MAPK10: variants seen among roughly 807,000 people sequenced by gnomAD.
MAPK10 encodes mitogen-activated protein kinase 10.
MAPK10 carries 25 observed loss-of-function variants against 59.3 expected under a neutral mutation model. That is an observed-to-expected ratio of 0.42 (90% confidence interval 0.31 to 0.59). MAPK10 has a LOEUF of 0.59. Ranked by LOEUF, MAPK10 falls within the 20% of genes least tolerant of loss-of-function variation. The pLI, the probability that MAPK10 is intolerant of heterozygous loss-of-function variation, is 0.15. For synonymous variants in MAPK10, 190 were observed against 200.5 expected (o/e 0.95, Z 0.44); for missense variants, 351 against 568.9 (o/e 0.62, Z 3.90).
intron 2 of MAPK10, among the ~76,000 whole-genome samples, chr4:86,262,753 C>G (rs1319462157): frequency 1.3e-5 from 2 of 152,194 alleles, no homozygotes; most frequent in East Asian, 3.9e-4. Flanking sequence ...TCCAGCTATT[C>G]AGTTGCCCCA....
chr4:86,416,855 C>T (rs1238676714), intron 1 of MAPK10, among the ~76,000 whole-genome samples: 1 of 152,194 alleles, frequency 6.6e-6, no homozygotes, highest in Non-Finnish European at 1.5e-5. Flanking sequence ...ACATGGAACA[C>T]TGGGACCATG....
chr4:86,286,988 T>C (rs572348759), intron 2 of MAPK10, among the ~76,000 whole-genome samples: 1 of 152,242 alleles, frequency 6.6e-6, no homozygotes, highest in East Asian at 1.9e-4. Flanking sequence ...ATATCAGATC[T>C]CTCTGCCTTA....
intron 1 of MAPK10, among the ~76,000 whole-genome samples, chr4:86,563,948 C>CAT (rs1353483406): frequency 6.6e-6 from 1 of 152,204 alleles, no homozygotes; most frequent in East Asian, 1.9e-4. Context: ...TCTCCTGCCT[C>CAT]AGCCTCCCAA....
At chr4:86,151,781 A>G (rs905280228) in intron 4 of MAPK10, among the ~76,000 whole-genome samples, 1 of 152,158 alleles carries the variant, frequency 6.6e-6, no homozygotes, top group Admixed American at 6.5e-5. Flanking sequence ...CATGACAACA[A>G]TTTGGCTTAT....
chr4:86,546,051 G>A (rs941838217), intron 1 of MAPK10, among the ~76,000 whole-genome samples: 1 of 151,746 alleles, frequency 6.6e-6, no homozygotes, highest in Non-Finnish European at 1.5e-5. Context: ...AGGAGTTCAA[G>A]ACCAGCCTGG....
intron 13 of MAPK10, among the ~76,000 whole-genome samples, chr4:86,019,765 T>A (rs1194380165): frequency 6.6e-6 from 1 of 152,216 alleles, no homozygotes; most frequent in African/African-American, 2.4e-5. Flanking sequence ...GACTCTATTA[T>A]AAAGGCCTGA....
chr4:86,075,992 C>CCTCGTTG (rs1363994903), intron 9 of MAPK10, among the ~76,000 whole-genome samples: 7 of 147,906 alleles, frequency 4.7e-5, no homozygotes, highest in Non-Finnish European at 6.1e-5. Flanking sequence ...CCTCCCCCAG[C>CCTCGTTG]CCTCCTGGGG....
intron 2 of MAPK10, among the ~76,000 whole-genome samples, chr4:86,354,102 T>TTG (rs761588734): frequency 5.1e-4 from 76 of 148,190 alleles, no homozygotes; most frequent in African/African-American, 1.4e-3. Flanking sequence ...AAGAGCTAAA[T>TTG]TGTGTGTGTG....
At chr4:86,576,766 C>T (rs1374763901) in intron 1 of MAPK10, among the ~76,000 whole-genome samples, 5 of 81,232 alleles carry the variant, frequency 6.2e-5, no homozygotes, top group Non-Finnish European at 1.3e-4. Context: ...CAGTGCGAGA[C>T]TCCGTCCCAA....
At chr4:86,512,755 A>G (rs1361741473) in intron 1 of MAPK10, among the ~76,000 whole-genome samples, 1 of 152,152 alleles carries the variant, frequency 6.6e-6, no homozygotes, top group East Asian at 1.9e-4. Flanking sequence ...GAAGCCCTGA[A>G]AACTAAAACT....
intron 2 of MAPK10, among the ~76,000 whole-genome samples, chr4:86,271,311 A>G (rs991117519): frequency 1.3e-5 from 2 of 151,986 alleles, no homozygotes; most frequent in Non-Finnish European, 2.9e-5. Context: ...CCATTTCTAT[A>G]TCTTCCTTTG....
chr4:86,250,461 C>G (rs1199971651), intron 2 of MAPK10, among the ~76,000 whole-genome samples: 1 of 152,038 alleles, frequency 6.6e-6, no homozygotes, highest in Non-Finnish European at 1.5e-5. Flanking sequence ...ACTCTTATTC[C>G]CGCTGAACTA....
chr4:86,214,655 T>C (rs1182427415), intron 2 of MAPK10, among the ~76,000 whole-genome samples: 1 of 151,832 alleles, frequency 6.6e-6, no homozygotes, highest in Non-Finnish European at 1.5e-5. Flanking sequence ...TGAAAACATT[T>C]CAAATTACAA....
chr4:86,360,085 T>C, upstream of MAPK10: 2 of 985,630 alleles, frequency 2.0e-6, no homozygotes, highest in South Asian at 4.7e-5. Context: ...ACAGAGGGCT[T>C]GGGGAATGGG....
chr4:86,213,387 CA>C lies in MAPK10; in HGVS notation c.-6-18981del, dbSNP rs565659528. ...ACCAACAAAATAGAGAATAGAAAAG[CA>C]AAAAAGAAAATTGTTGAAATCGAAA... On this transcript the variant is annotated intron_variant, in intron 2 of 13. Coordinates refer to ENST00000641462, the MANE Select transcript of MAPK10 (RefSeq NM_138982.4). 7.9e-5 allele frequency among the ~76,000 whole-genome samples: 12 copies of C among 151,554 alleles called. No individual in the cohort carries two copies. In the South Asian group the frequency reaches 2.5e-3, roughly 32 times the overall value.
chr4:86,361,500 T>C (rs759993751), upstream of MAPK10, among the ~76,000 whole-genome samples: 1 of 152,152 alleles, frequency 6.6e-6, no homozygotes, highest in African/African-American at 2.4e-5. Flanking sequence ...AGTTTGGACA[T>C]CAAAAGTCAG....
chr4:86,038,806 G>A (rs1030319384), intron 11 of MAPK10, among the ~76,000 whole-genome samples: 6 of 151,754 alleles, frequency 4.0e-5, no homozygotes, highest in Admixed American at 1.3e-4. Flanking sequence ...ACCAACAATC[G>A]CCAAAATAAT....
chr4:86,334,973 T>TAC (rs890211493), intron 2 of MAPK10: 2 of 151,844 alleles, frequency 1.3e-5, no homozygotes, highest in African/African-American at 4.8e-5. Context: ...GTTATATATA[T>TAC]ATTTGTATGT....
chr4:86,518,176 C>G (rs1391758353), intron 1 of MAPK10, among the ~76,000 whole-genome samples: 2 of 152,214 alleles, frequency 1.3e-5, no homozygotes, highest in Admixed American at 1.3e-4. Flanking sequence ...GCATGCTCCA[C>G]TATACCCGGC....
Sources: allele counts gnomAD v4.1 joint callset (sites outside exome capture counted in the v4.1 genomes callset), GRCh38; gene constraint gnomAD v4.1.1; transcripts MANE v1.5; gene names NCBI Gene and HGNC (gene_info 2026-07-23, HGNC 2026-07-21).